Variants in OARD1 observed in about 807,000 individuals in gnomAD.
OARD1 encodes ADP-ribose glycohydrolase OARD1.
A neutral mutation model predicts 19.7 loss-of-function variants in OARD1; 19 were observed. The observed-to-expected ratio is 0.96, with a 90% CI of 0.67 to 1.41. The LOEUF (loss-of-function observed/expected upper bound fraction) is 1.41, where lower values mean the gene tolerates loss of function less well. Among genes scored for constraint, OARD1 ranks in the 40% most tolerant of loss-of-function variants. The probability of loss-of-function intolerance (pLI) is 0.00; values close to 1 mark genes in which losing one functional copy is unlikely to be tolerated. For synonymous variants in OARD1, 70 were observed against 61.8 expected, an observed-to-expected ratio of 1.13 and a Z score of -0.62; for missense variants, 190 against 183.8, an observed-to-expected ratio of 1.03 and a Z score of -0.20.
At position 41,072,042 on chromosome 6, in the gene OARD1, TAGA is replaced by T. The variant is rs145432717; in HGVS notation, c.-42+191_-42+193del. On this transcript the variant is annotated intron_variant, in intron 1 of 5. Transcript: ENST00000424266. ...AAGTATTTCCCCAGTGGGTCTGGCT[TAGA>T]AGAAAACAGAAGGGACTTGGCCACA... Among the ~76,000 whole-genome samples, 43 of 152,308 alleles carry T rather than the reference TAGA, an allele frequency of 2.8e-4. No individual in the cohort carries two copies. The East Asian group carries it at 8.1e-3, about 29-fold the overall frequency.
At chr6:41,096,346 G>C (rs1339713017) in intron 1 of OARD1, among the ~76,000 whole-genome samples, 5 of 152,238 alleles carry the variant, frequency 3.3e-5, no homozygotes, top group African/African-American at 1.2e-4. Flanking sequence ...GTGTATGAAT[G>C]TGGGCCTGAC....
intron 1 of OARD1, among the ~76,000 whole-genome samples, chr6:41,086,364 C>G (rs1466217231): frequency 6.6e-6 from 1 of 152,058 alleles, no homozygotes; most frequent in Non-Finnish European, 1.5e-5. Flanking sequence ...TTTTATTTTG[C>G]TATAAGGAAC....
At chr6:41,090,927 C>G (rs1764183320) in intron 1 of OARD1, among the ~76,000 whole-genome samples, 1 of 152,196 alleles carries the variant, frequency 6.6e-6, no homozygotes, top group Non-Finnish European at 1.5e-5. Flanking sequence ...TTGTTAGATT[C>G]CATGACTTTG....
intron 1 of OARD1, among the ~76,000 whole-genome samples, chr6:41,095,604 A>C (rs1364729050): frequency 6.6e-6 from 1 of 151,930 alleles, no homozygotes; most frequent in Non-Finnish European, 1.5e-5. Context: ...CTAATTTTTA[A>C]ATTTTTTGTA....
chr6:41,071,256 G>C lies in OARD1; in HGVS notation c.60C>G (p.Asp20Glu). ...EGSRITYVKGDLFACPKTDSL... is the reference protein window; with the variant it reads ...EGSRITYVKGELFACPKTDSL... ...AGTCTGTTTTCGGGCATGCAAAAAGGTCTCCTTTCACATAAGTGATCTAAA... is the reference window on the plus strand; with the variant it reads ...AGTCTGTTTTCGGGCATGCAAAAAGCTCTCCTTTCACATAAGTGATCTAAA... Residue 20 changes from aspartate (D) to glutamate (E), a missense_variant, in exon 3 of 6, where the codon GAC becomes GAG. Asp to Glu is a conservative substitution (Grantham distance 45, BLOSUM62 2). Coordinates refer to ENST00000424266, the MANE Select transcript of OARD1 (RefSeq NM_001329686.2). The C allele has an allele frequency of 1.9e-6, 3 of 1,614,082 alleles. No homozygotes were observed. Among genetic ancestry groups the C allele is most frequent in the Non-Finnish European group, 2.5e-6 (3 of 1,179,932 alleles).
At position 41,064,888 on chromosome 6, in the gene OARD1, G is replaced by C. The variant is rs1382691313; in HGVS notation, c.*2447C>G. ...TCAATACATGGTGTTTGATGGTAAT[G>C]GCAGGATGATGTCAAGTCTCTCTTT... is the stretch of plus-strand genomic sequence containing the variant. On this transcript the variant is annotated 3_prime_UTR_variant, in exon 6 of 6. Coordinates refer to ENST00000424266, the MANE Select transcript of OARD1 (RefSeq NM_001329686.2). 2 of 151,996 alleles carry C rather than the reference G, an allele frequency of 1.3e-5. No individual in the cohort carries two copies. The highest frequency in any genetic ancestry group is 2.9e-5 in the Non-Finnish European group (2 of 68,012). The allele number at this position is 151,996 out of a possible 1,614,324, so 9.4% of individuals were successfully genotyped here.
At chr6:41,077,056 C>T (rs993251279), upstream of OARD1, among the ~76,000 whole-genome samples, 2 of 152,024 alleles carry the variant, frequency 1.3e-5, no homozygotes, top group Non-Finnish European at 2.9e-5. Flanking sequence ...AAAATCTGTA[C>T]GTTACATATA....
chr6:41,088,639 A>G (rs906975992), intron 1 of OARD1, among the ~76,000 whole-genome samples: 1 of 151,694 alleles, frequency 6.6e-6, no homozygotes, highest in Non-Finnish European at 1.5e-5. Context: ...GCTGGAATGC[A>G]GTGGTGCGGA....
chr6:41,092,824 C>CA (rs1010291572), intron 1 of OARD1: 62 of 1,415,146 alleles, frequency 4.4e-5, no homozygotes, highest in Non-Finnish European at 5.3e-5. Context: ...GTGGCATTTA[C>CA]AAAAAAAATG....
upstream of OARD1, among the ~76,000 whole-genome samples, chr6:41,076,295 G>A (rs936099389): frequency 1.3e-5 from 2 of 152,132 alleles, no homozygotes; most frequent in Non-Finnish European, 2.9e-5. Context: ...GTTGTATAAA[G>A]GTAAATGCTG....
At chr6:41,078,231 G>A (rs1247880013) in intron 1 of OARD1, among the ~76,000 whole-genome samples, 1 of 152,068 alleles carries the variant, frequency 6.6e-6, no homozygotes, top group African/African-American at 2.4e-5. Context: ...ACATATTTTG[G>A]TTTCTTCTTT....
intron 1 of OARD1, chr6:41,094,513 C>T (rs1458564558): frequency 1.2e-5 from 19 of 1,588,010 alleles, no homozygotes; most frequent in Admixed American, 1.7e-5. Context: ...AAGACATATA[C>T]ATTTTATTCT....
At chr6:41,073,070 G>T (rs1460835008), upstream of OARD1, 1 of 154,040 alleles carries the variant, frequency 6.5e-6, no homozygotes, top group South Asian at 1.8e-4. Flanking sequence ...CAGCGAACCG[G>T]GGGAGCGAGG....
At chr6:41,088,691 C>T (rs148404783) in intron 1 of OARD1, among the ~76,000 whole-genome samples, 24 of 151,312 alleles carry the variant, frequency 1.6e-4, no homozygotes, top group Non-Finnish European at 2.8e-4. Flanking sequence ...CTCAAATGAT[C>T]CTCCCACCTC....
chr6:41,089,745 C>G (rs982328936), intron 1 of OARD1: 2 of 1,602,056 alleles, frequency 1.2e-6, no homozygotes, highest in African/African-American at 1.3e-5. Flanking sequence ...AGGAGCAAAA[C>G]TGATTTGGAA....
upstream of OARD1, among the ~76,000 whole-genome samples, chr6:41,073,562 G>A (rs1763611652): frequency 6.6e-6 from 1 of 151,938 alleles, no homozygotes; most frequent in Admixed American, 6.5e-5. Context: ...CGGGGCCCGC[G>A]CCCCCCGCTC....
chr6:41,089,512 ACT>A, intron 1 of OARD1: 1 of 1,440,956 alleles, frequency 6.9e-7, no homozygotes, highest in Non-Finnish European at 9.2e-7. Flanking sequence ...AATGTGGATA[ACT>A]CTCGGGGACC....
chr6:41,086,976 CAT>C (rs1764066262), intron 1 of OARD1, among the ~76,000 whole-genome samples: 3 of 152,050 alleles, frequency 2.0e-5, no homozygotes, highest in Admixed American at 2.0e-4. Flanking sequence ...TTGACTAAAA[CAT>C]AATATGCATT....
intron 1 of OARD1, chr6:41,097,371 C>T (rs377013862): frequency 2.5e-5 from 40 of 1,613,806 alleles, no homozygotes; most frequent in South Asian, 6.6e-5. Flanking sequence ...CAAACCAAGC[C>T]GATGAAGAAG....
Sources: gnomAD v4.1 joint callset for allele counts (sites outside exome capture counted in the v4.1 genomes callset) on GRCh38, gnomAD v4.1.1 for gene constraint, MANE v1.5 for transcripts, NCBI Gene and HGNC (gene_info 2026-07-23, HGNC 2026-07-21) for gene names.